The following OR1A1 variants were observed in gnomAD, a reference collection of about 807,000 sequenced individuals.
OR1A1 encodes olfactory receptor family 1 subfamily A member 1.
For synonymous variants in OR1A1, 145 were observed against 147.8 expected (o/e 0.98, Z 0.13); for missense variants, 391 against 379.9 (o/e 1.03, Z -0.24).
rs1191672776 is a variant in OR1A1, at chr17:3,217,132, A to T, written c.*582A>T. On this transcript the variant is annotated 3_prime_UTR_variant, in exon 4 of 4. Transcript: ENST00000641732. ...ATAATTAGGGATAATCAAACCAGAC[A>T]TTATTTTCTCATCCTTTAAACCTTT... 1 of 152,202 alleles carries T rather than the reference A, an allele frequency of 6.6e-6. No homozygotes were observed. Among genetic ancestry groups the T allele is most frequent in the Non-Finnish European group, 1.5e-5 (1 of 68,052 alleles). 9.4% of individuals were successfully genotyped at this position (152,202 alleles called of 1,614,324 possible). A position where few individuals can be genotyped will look rare whatever the true frequency, so the allele number is the denominator to read the frequency against.
chr17:3,211,732 A>AG (rs1408372251), intron 2 of OR1A1, among the ~76,000 whole-genome samples: 2 of 152,194 alleles, frequency 1.3e-5, no homozygotes, highest in Admixed American at 1.3e-4. Context: ...TAATTGGAAG[A>AG]GGACTGACAT....
At position 3,212,914 on chromosome 17, in the gene OR1A1, C is replaced by T. The variant is rs75480972; in HGVS notation, c.-6+315C>T. ...TAGACGCCTGGTGAGGAGGTAGAGTCTGATTTACATGGAGCAGGAAAGACT... is the reference window on the plus strand; with the variant it reads ...TAGACGCCTGGTGAGGAGGTAGAGTTTGATTTACATGGAGCAGGAAAGACT... On this transcript the variant is annotated intron_variant, in intron 3 of 3. Coordinates refer to ENST00000641732, the MANE Select transcript of OR1A1 (RefSeq NM_014565.3). 8.4e-3 allele frequency: 1,280 copies of T among 152,408 alleles called. 14 individuals are homozygous for T. The highest frequency in any genetic ancestry group is 0.02 in the South Asian group (95 of 4,822). 9.4% of individuals were successfully genotyped at this position (152,408 alleles called of 1,614,324 possible). A position where few individuals can be genotyped will look rare whatever the true frequency, so the allele number is the denominator to read the frequency against.
chr17:3,211,410 C>T (rs1171106593), intron 2 of OR1A1, among the ~76,000 whole-genome samples: 1 of 151,936 alleles, frequency 6.6e-6, no homozygotes, highest in East Asian at 1.9e-4. Flanking sequence ...TCTCGGCTCA[C>T]TGCAACCTCT....
rs2048465345 is a variant in OR1A1, at chr17:3,215,888, A to G, written c.268A>G (p.Lys90Glu). 1.9e-6 allele frequency: 3 copies of G among 1,614,204 alleles called. No individual in the cohort carries two copies. Among genetic ancestry groups the G allele is most frequent in the African/African-American group, 2.7e-5 (2 of 75,050 alleles). Residue 90 changes from lysine to glutamate, a missense_variant, in exon 4 of 4, where the codon AAA becomes GAA. By Grantham distance (56) the Lys-to-Glu change is moderately conservative. Transcript: ENST00000641732. Reference sequence around the variant, plus strand: ...GCTGGCCAACCATCTCTTGGGCAGCAAATCCATCTCTTTTGGGGGATGCCT... The same window carrying G: ...GCTGGCCAACCATCTCTTGGGCAGCGAATCCATCTCTTTTGGGGGATGCCT... ...KMLANHLLGSKSISFGGCLTQ... is the reference protein window; with the variant it reads ...KMLANHLLGSESISFGGCLTQ...
chr17:3,207,938 A>G lies in OR1A1; in HGVS notation c.-619A>G, dbSNP rs1232101598. On this transcript the variant is annotated 5_prime_UTR_variant, in exon 1 of 4. Transcript: ENST00000641732. ...CAGATAGGGACTTAGACATTGGAAG[A>G]GACTGTATCACAGCAACATCAAAGG... is the stretch of plus-strand genomic sequence containing the variant. 1 of 152,284 alleles carries G rather than the reference A, an allele frequency of 6.6e-6. No individual in the cohort carries two copies. The highest frequency in any genetic ancestry group is 2.4e-5 in the African/African-American group (1 of 41,472). 9.4% of individuals were successfully genotyped at this position (152,284 alleles called of 1,614,324 possible).
chr17:3,207,710 C>T lies in OR1A1; in HGVS notation c.-847C>T, dbSNP rs2048417940. On this transcript the variant is annotated 5_prime_UTR_variant, in exon 1 of 4. Coordinates refer to ENST00000641732, the MANE Select transcript of OR1A1 (RefSeq NM_014565.3). The stretch of plus-strand genomic sequence containing the variant: ...CCCTGTTGGGAAACTGGGGACTCCT[C>T]CTTCTAAACCATCCCATTCCTGTGT... The T allele has an allele frequency of 6.6e-6, 1 of 152,290 alleles. No homozygotes were observed. Among genetic ancestry groups the T allele is most frequent in the African/African-American group, 2.4e-5 (1 of 41,456 alleles). The allele number at this position is 152,290 out of a possible 1,614,324, so 9.4% of individuals were successfully genotyped here.
rs745351272 is a variant in OR1A1, at chr17:3,216,725, C to T, written c.*175C>T. ...TAATAATAAGTGATTATTGAAATTA[C>T]CACTTTCAACTCATTGCTGCTCTTT... On this transcript the variant is annotated 3_prime_UTR_variant, in exon 4 of 4. Coordinates refer to ENST00000641732, the MANE Select transcript of OR1A1 (RefSeq NM_014565.3). The T allele has an allele frequency of 1.6e-4, 90 of 566,156 alleles. No individual in the cohort carries two copies. Among genetic ancestry groups the T allele is most frequent in the Non-Finnish European group, 2.6e-4 (85 of 329,026 alleles). The allele number at this position is 566,156 out of a possible 1,614,324, so 35.1% of individuals were successfully genotyped here.
At position 3,215,627 on chromosome 17, in the gene OR1A1, G is replaced by A. The variant is rs1350313742; in HGVS notation, c.7G>A (p.Glu3Lys). 1 of 1,611,166 alleles carries A rather than the reference G, an allele frequency of 6.2e-7. No homozygotes were observed. Among genetic ancestry groups the A allele is most frequent in the South Asian group, 1.1e-5 (1 of 90,948 alleles). Reference protein sequence around the residue: MRENNQSSTLEFI... With the variant: MRKNNQSSTLEFI... Reference sequence around the variant, plus strand: ...CTTTCATGTTAAAGAAGCCATGAGGGAAAATAACCAGTCCTCTACACTGGA... The same window carrying A: ...CTTTCATGTTAAAGAAGCCATGAGGAAAAATAACCAGTCCTCTACACTGGA... Residue 3 changes from glutamate (E) to lysine (K), a missense_variant, in exon 4 of 4, where the codon GAA becomes AAA. Glu to Lys is a moderately conservative substitution (Grantham distance 56). Coordinates refer to ENST00000641732, the MANE Select transcript of OR1A1 (RefSeq NM_014565.3).
At chr17:3,211,886 T>C (rs988297680) in intron 2 of OR1A1, among the ~76,000 whole-genome samples, 2 of 152,142 alleles carry the variant, frequency 1.3e-5, no homozygotes, top group African/African-American at 4.8e-5. Context: ...CTATGGCCAT[T>C]TTAAAAAATA....
At chr17:3,214,926 C>T (rs1210287462) in intron 3 of OR1A1, 1 of 152,076 alleles carries the variant, frequency 6.6e-6, no homozygotes, top group African/African-American at 2.4e-5. Flanking sequence ...AAATGAGACA[C>T]CTGGGGAGAA....
rs2048478033 is a variant in OR1A1 at position 3,217,853 on chromosome 17, A to G, written c.*1303A>G. The G allele has an allele frequency of 6.6e-6, 1 of 152,256 alleles. No individual in the cohort carries two copies. The highest frequency in any genetic ancestry group is 1.5e-5 in the Non-Finnish European group (1 of 68,048). The allele number at this position is 152,256 out of a possible 1,614,324, so 9.4% of individuals were successfully genotyped here. ...GAAGAAAACGTAGGCAATACCATTC[A>G]GGACATAGGCATGGGCAAACTTCAT... On this transcript the variant is annotated 3_prime_UTR_variant, in exon 4 of 4. Transcript: ENST00000641732.
At chr17:3,209,128 C>T (rs1215628549) in intron 2 of OR1A1, 130 bp downstream of exon 2, 1 of 152,008 alleles carries the variant, frequency 6.6e-6, no homozygotes, top group African/African-American at 2.4e-5. Context: ...CCTGGTGCGC[C>T]CATCACCTAA....
intron 2 of OR1A1, among the ~76,000 whole-genome samples, chr17:3,209,484 A>G (rs2048430337): frequency 6.6e-6 from 1 of 152,210 alleles, no homozygotes; most frequent in South Asian, 2.1e-4. Flanking sequence ...AATTATTTTT[A>G]TTATTTTTAA....
At position 3,217,805 on chromosome 17, in the gene OR1A1, G is replaced by C. The variant is rs1414486546; in HGVS notation, c.*1255G>C. On this transcript the variant is annotated 3_prime_UTR_variant, in exon 4 of 4. Coordinates refer to ENST00000641732, the MANE Select transcript of OR1A1 (RefSeq NM_014565.3). ...AGATGGATTAAAGGCTTAAACGTAAGACCTAAAACCATAAAAACCTTAGAA... is the reference window on the plus strand; with the variant it reads ...AGATGGATTAAAGGCTTAAACGTAACACCTAAAACCATAAAAACCTTAGAA... 2 of 152,124 alleles carry C rather than the reference G, an allele frequency of 1.3e-5. No homozygotes were observed. The highest frequency in any genetic ancestry group is 6.5e-5 in the Admixed American group (1 of 15,278). The allele number at this position is 152,124 out of a possible 1,614,324, so 9.4% of individuals were successfully genotyped here. A position where few individuals can be genotyped will look rare whatever the true frequency, so the allele number is the denominator to read the frequency against.
intron 2 of OR1A1, among the ~76,000 whole-genome samples, chr17:3,210,821 G>C (rs2048437927): frequency 6.6e-6 from 1 of 152,050 alleles, no homozygotes; most frequent in Admixed American, 6.6e-5. Flanking sequence ...ATCCAGGCCG[G>C]TCTCCAACTC....
At chr17:3,213,281 G>A (rs1365172491) in intron 3 of OR1A1, 1 of 152,004 alleles carries the variant, frequency 6.6e-6, no homozygotes, top group African/African-American at 2.4e-5. Flanking sequence ...TAATTTATTG[G>A]GCTGCTTTTT....
Position 3,216,264 on chromosome 17 carries a change from T to C in OR1A1, c.644T>C (p.Val215Ala), listed in dbSNP as rs761605648. Residue 215 changes from valine to alanine, a missense_variant, in exon 4 of 4, where the codon GTC becomes GCC. Transcript: ENST00000641732. ...TCTGTGCCATTACTATGCATCATTG[T>C]CTCCTATATTCGAGTCTTCTCCACA... ...IFSVPLLCII[V>A]SYIRVFSTVF... is the part of the protein sequence containing the mutation. 1.2e-6 allele frequency: 2 copies of C among 1,614,174 alleles called. No homozygotes were observed. The highest frequency in any genetic ancestry group is 2.2e-5 in the East Asian group (1 of 44,878).
intron 2 of OR1A1, among the ~76,000 whole-genome samples, chr17:3,209,493 A>T (rs1277507409): frequency 2.0e-5 from 3 of 152,182 alleles, no homozygotes; most frequent in East Asian, 1.9e-4. Context: ...TATTATTTTT[A>T]AAAAATTTTT....
Position 3,212,161 on chromosome 17 carries a change from C to G in OR1A1, c.-138-306C>G, listed in dbSNP as rs184727157. On this transcript the variant is annotated intron_variant, in intron 2 of 3. Transcript: ENST00000641732. ...TCTAGTGTTCTTTTCAGAAATAGGA[C>G]AACACTTCAAGGGTTTTTTAACAGA... Among the ~76,000 whole-genome samples the G allele has an allele frequency of 1.9e-3, 289 of 152,196 alleles. 1 individual carries two copies. Among genetic ancestry groups the G allele is most frequent in the Non-Finnish European group, 3.0e-3 (207 of 67,992 alleles).
Sources: gnomAD v4.1 joint callset for allele counts (sites outside exome capture counted in the v4.1 genomes callset) on GRCh38, gnomAD v4.1.1 for gene constraint, MANE v1.5 for transcripts, NCBI Gene and HGNC (gene_info 2026-07-23, HGNC 2026-07-21) for gene names.